Variants in UBXN2A observed in about 807,000 individuals in gnomAD.
UBXN2A encodes UBX domain-containing protein 2A.
A neutral mutation model predicts 28.4 loss-of-function variants in UBXN2A; 28 were observed. The ratio of observed to expected loss-of-function variants is 0.99; its 90% CI spans 0.73 to 1.35. The LOEUF (loss-of-function observed/expected upper bound fraction) is 1.35. Among genes scored for constraint, UBXN2A ranks in the 40% most tolerant of loss-of-function variants. The probability of loss-of-function intolerance (pLI) is 0.00; values close to 1 mark genes in which losing one functional copy is unlikely to be tolerated. For synonymous variants in UBXN2A, 97 were observed against 103.6 expected (o/e 0.94, Z 0.39); for missense variants, 253 against 297.9 (o/e 0.85, Z 1.11).
chr2:23,952,423 C>T (rs890508344), intron 1 of UBXN2A, among the ~76,000 whole-genome samples: 8 of 151,862 alleles, frequency 5.3e-5, no homozygotes, highest in Non-Finnish European at 4.4e-5. Context: ...GCCACCGTGC[C>T]GGGCTAATTT....
intron 6 of UBXN2A, among the ~76,000 whole-genome samples, chr2:23,994,973 C>T (rs1708475325): frequency 1.3e-5 from 2 of 152,222 alleles, no homozygotes; most frequent in South Asian, 4.1e-4. Context: ...GACTCCTCCA[C>T]ATTGGCAGAG....
intron 6 of UBXN2A, among the ~76,000 whole-genome samples, chr2:23,996,204 C>T (rs1708525886): frequency 6.6e-6 from 1 of 151,020 alleles, no homozygotes; most frequent in Non-Finnish European, 1.5e-5. Context: ...GTAGCTGGGA[C>T]TACAGGCGCG....
chr2:23,937,515 T>A (rs1705565356), upstream of UBXN2A, among the ~76,000 whole-genome samples: 1 of 152,100 alleles, frequency 6.6e-6, no homozygotes, highest in Non-Finnish European at 1.5e-5. Flanking sequence ...GGAGACCCCA[T>A]CTCTAGCAAA....
chr2:23,951,455 T>TAC (rs1706365661), intron 1 of UBXN2A, among the ~76,000 whole-genome samples: 1 of 86,152 alleles, frequency 1.2e-5, no homozygotes, highest in African/African-American at 3.7e-5. Context: ...TATATATATA[T>TAC]ATATATATAG....
chr2:23,967,084 C>T (rs1040557109), intron 2 of UBXN2A, among the ~76,000 whole-genome samples: 2 of 152,008 alleles, frequency 1.3e-5, no homozygotes, highest in Admixed American at 6.6e-5. Flanking sequence ...CTATTTCCTA[C>T]GATACATCTC....
rs757766899 is a variant in UBXN2A at position 24,000,032 on chromosome 2, G to C, written c.*165G>C. The C allele has an allele frequency of 3.6e-5, 23 of 638,780 alleles. No homozygotes were observed. The highest frequency in any genetic ancestry group is 3.4e-5 in the Non-Finnish European group (13 of 381,774). 39.6% of individuals were successfully genotyped at this position (638,780 alleles called of 1,614,324 possible). A position where few individuals can be genotyped will look rare whatever the true frequency, so the allele number is the denominator to read the frequency against. The stretch of plus-strand genomic sequence containing the variant: ...GTTTAGATAAGTACAAGTTAAGAAA[G>C]TAGCATATGACTGGAAACTATATTC... On this transcript the variant is annotated 3_prime_UTR_variant, in exon 7 of 7. Coordinates refer to ENST00000309033, the MANE Select transcript of UBXN2A (RefSeq NM_181713.4).
rs1262145073 is a variant in UBXN2A, at chr2:24,003,940, A to G, written c.*4073A>G. On this transcript the variant is annotated 3_prime_UTR_variant, in exon 7 of 7. Coordinates refer to ENST00000309033, the MANE Select transcript of UBXN2A (RefSeq NM_181713.4). ...GAGAATGTTTCCTGTGTACCTATAG[A>G]AAAGCCTCTTTGGTAGATTTTCCGG... The G allele has an allele frequency of 1.3e-5, 2 of 152,200 alleles. No homozygotes were observed. Among genetic ancestry groups the G allele is most frequent in the East Asian group, 1.9e-4 (1 of 5,202 alleles). 9.4% of individuals were successfully genotyped at this position (152,200 alleles called of 1,614,324 possible).
chr2:23,936,101 A>G (rs1269045640), upstream of UBXN2A, among the ~76,000 whole-genome samples: 1 of 152,128 alleles, frequency 6.6e-6, no homozygotes, highest in Non-Finnish European at 1.5e-5. Context: ...CAATAAAACA[A>G]AAATTTTAAA....
upstream of UBXN2A, among the ~76,000 whole-genome samples, chr2:23,937,657 C>G (rs967297536): frequency 2.6e-5 from 4 of 152,082 alleles, no homozygotes; most frequent in East Asian, 5.8e-4. Flanking sequence ...ACAATAGCAT[C>G]AAAAAGAATA....
intron 6 of UBXN2A, among the ~76,000 whole-genome samples, chr2:23,995,698 A>G (rs942257189): frequency 1.7e-4 from 26 of 151,824 alleles, no homozygotes; most frequent in African/African-American, 6.0e-4. Context: ...GTCTCAAAAA[A>G]AAAAAAGAAA....
At chr2:23,928,247 A>C (rs1705190710) in intron 1 of UBXN2A, among the ~76,000 whole-genome samples, 2 of 150,406 alleles carry the variant, frequency 1.3e-5, no homozygotes, top group South Asian at 4.2e-4. Flanking sequence ...AAAGAAAGAA[A>C]GAAAAGCTCT....
At chr2:23,953,394 C>T (rs1397065125) in intron 1 of UBXN2A, among the ~76,000 whole-genome samples, 2 of 152,108 alleles carry the variant, frequency 1.3e-5, no homozygotes, top group Admixed American at 6.6e-5. Flanking sequence ...CTCCCCAATC[C>T]ACTTGATTGT....
At chr2:23,998,565 C>T (rs1708626994) in intron 6 of UBXN2A, among the ~76,000 whole-genome samples, 2 of 152,006 alleles carry the variant, frequency 1.3e-5, no homozygotes, top group Admixed American at 1.3e-4. Flanking sequence ...CTAAGAAATA[C>T]AAAAACTAGC....
intron 1 of UBXN2A, among the ~76,000 whole-genome samples, chr2:23,951,413 GATATATATATATATATATATATATAT>G (rs57701448): frequency 0.43 from 47,781 of 110,218 alleles, 10,308 homozygotes; most frequent in East Asian, 0.59. Flanking sequence ...CAGTAAGATG[GATATATATATATATATATATATATAT>G]ATATATATAT....
Position 23,985,046 on chromosome 2 carries a change from A to G in UBXN2A, c.584+215A>G, listed in dbSNP as rs376646492. Among the ~76,000 whole-genome samples the G allele has an allele frequency of 1.8e-4, 28 of 151,352 alleles. No individual in the cohort carries two copies. In the East Asian group the frequency reaches 5.0e-3, roughly 27 times the overall value. On this transcript the variant is annotated intron_variant, in intron 6 of 6. Transcript: ENST00000309033. ...CCTCCTGAGTTGTAGAACTACAGCC[A>G]CATGCCACCATGCCCAGCTAACTTT...
At chr2:23,934,575 G>A (rs1705469951) in intron 1 of UBXN2A, among the ~76,000 whole-genome samples, 1 of 152,188 alleles carries the variant, frequency 6.6e-6, no homozygotes, top group Non-Finnish European at 1.5e-5. Context: ...GTCCTTCTAT[G>A]TGAATTCAAA....
intron 6 of UBXN2A, among the ~76,000 whole-genome samples, chr2:23,997,947 G>A (rs961388327): frequency 3.3e-5 from 5 of 151,638 alleles, no homozygotes; most frequent in African/African-American, 9.7e-5. Flanking sequence ...GAGTAGCTGG[G>A]ATTACAGGTG....
chr2:23,954,102 TC>T (rs1706499842), intron 1 of UBXN2A, among the ~76,000 whole-genome samples: 1 of 152,164 alleles, frequency 6.6e-6, no homozygotes, highest in Non-Finnish European at 1.5e-5. Context: ...AACCTCCGCC[TC>T]CCGGGTACAA....
At chr2:23,936,025 C>G (rs560522668), upstream of UBXN2A, among the ~76,000 whole-genome samples, 1 of 152,164 alleles carries the variant, frequency 6.6e-6, no homozygotes, top group Non-Finnish European at 1.5e-5. Flanking sequence ...GCACTCCAGC[C>G]TGGGTGACAG....
Sources: gnomAD v4.1 joint callset for allele counts (sites outside exome capture counted in the v4.1 genomes callset) on GRCh38, gnomAD v4.1.1 for gene constraint, MANE v1.5 for transcripts, NCBI Gene and HGNC (gene_info 2026-07-23, HGNC 2026-07-21) for gene names.